NEO1: variants seen among roughly 807,000 people sequenced by gnomAD.
NEO1 encodes the protein neogenin.
A neutral mutation model predicts 159.7 loss-of-function variants in NEO1; 63 were observed. The ratio of observed to expected loss-of-function variants is 0.39; its 90% CI spans 0.32 to 0.49. The LOEUF (loss-of-function observed/expected upper bound fraction) is 0.49. NEO1 is among the 20% of genes least tolerant of loss of function. The probability of loss-of-function intolerance (pLI) is 0.85; values close to 1 mark genes in which losing one functional copy is unlikely to be tolerated. For missense variants in NEO1, 1,615 were observed against 1,831.0 expected, an observed-to-expected ratio of 0.88 and a Z score of 2.15; for synonymous variants, 633 against 662.0, an observed-to-expected ratio of 0.96 and a Z score of 0.67.
chr15:73,254,309 C>A (rs1288128246), intron 12 of NEO1, among the ~76,000 whole-genome samples: 1 of 152,006 alleles, frequency 6.6e-6, no homozygotes, highest in East Asian at 1.9e-4. Flanking sequence ...AGCTCTTCTG[C>A]ACTGGACACG....
At chr15:73,121,097 C>T (rs2071619779) in intron 2 of NEO1, among the ~76,000 whole-genome samples, 1 of 152,040 alleles carries the variant, frequency 6.6e-6, no homozygotes, top group African/African-American at 2.4e-5. Context: ...CCTAGATAAC[C>T]ACAGATGTCC....
At chr15:73,290,588 A>G (rs952991565) in intron 25 of NEO1, among the ~76,000 whole-genome samples, 13 of 152,172 alleles carry the variant, frequency 8.5e-5, no homozygotes, top group Non-Finnish European at 1.8e-4. Context: ...TCACTTTGAT[A>G]AGCATAAAGG....
intron 26 of NEO1, among the ~76,000 whole-genome samples, chr15:73,294,832 G>A (rs927296541): frequency 1.3e-5 from 2 of 151,962 alleles, no homozygotes; most frequent in African/African-American, 4.8e-5. Flanking sequence ...GAGCTACCGC[G>A]CCCGGTCCCC....
intron 21 of NEO1, among the ~76,000 whole-genome samples, chr15:73,274,969 C>G (rs898483621): frequency 6.6e-6 from 1 of 152,056 alleles, no homozygotes; most frequent in South Asian, 2.1e-4. Flanking sequence ...GTAGGAGATT[C>G]GTCTTAAGTG....
chr15:73,249,094 A>C lies in NEO1; in HGVS notation c.1641A>C (p.Ala547=). ...QLPGPAPNLR[A]YAASPTSITV... ...CTGGCCCAGCACCTAACCTTCGTGC[A>C]TATGCAGCTTCGCCTACCTCCATCA... The change falls in exon 10 of 29, where the codon GCA becomes GCC. Residue 547 remains alanine, a synonymous_variant. Transcript: ENST00000261908. 6.2e-7 allele frequency: 1 copy of C among 1,614,122 alleles called. No individual in the cohort carries two copies. The highest frequency in any genetic ancestry group is 1.1e-5 in the South Asian group (1 of 91,080).
At chr15:73,248,351 A>G (rs2039905305) in intron 9 of NEO1, among the ~76,000 whole-genome samples, 1 of 152,182 alleles carries the variant, frequency 6.6e-6, no homozygotes, top group Non-Finnish European at 1.5e-5. Flanking sequence ...GTGAGCTTCA[A>G]TAGCAGGACA....
chr15:73,179,367 G>A (rs141730358), intron 7 of NEO1, among the ~76,000 whole-genome samples: 4 of 152,282 alleles, frequency 2.6e-5, no homozygotes, highest in Non-Finnish European at 1.5e-5. Context: ...TGGTTTACTG[G>A]ATGGCAGAGA....
chr15:73,059,513 T>G (rs1410121805), intron 1 of NEO1, among the ~76,000 whole-genome samples: 1 of 152,210 alleles, frequency 6.6e-6, no homozygotes, highest in Non-Finnish European at 1.5e-5. Context: ...GGGCTAATTA[T>G]GCACAAAACT....
At position 73,152,144 on chromosome 15, in the gene NEO1, G is replaced by C. The variant is rs2151839974; in HGVS notation, c.1015+16117G>C. ...TATTGGTTTTCATCCCCAGTTCCTGGCGCATATCTCCCATAGCCTTTGTTA... is the reference window on the plus strand; with the variant it reads ...TATTGGTTTTCATCCCCAGTTCCTGCCGCATATCTCCCATAGCCTTTGTTA... On this transcript the variant is annotated intron_variant, in intron 5 of 28. Coordinates refer to ENST00000261908, the MANE Select transcript of NEO1 (RefSeq NM_002499.4). 1.3e-5 allele frequency among the ~76,000 whole-genome samples: 2 copies of C among 152,236 alleles called. 1 individual carries two copies. The highest frequency in any genetic ancestry group is 4.1e-4 in the South Asian group (2 of 4,820).
rs544994198 is a variant in NEO1 at position 73,217,779 on chromosome 15, A to G, written c.1292-18568A>G. 3.2e-4 allele frequency among the ~76,000 whole-genome samples: 48 copies of G among 152,302 alleles called. 1 individual carries two copies. Among genetic ancestry groups the G allele is most frequent in the African/African-American group, 1.1e-3 (47 of 41,558 alleles). ...TGTGATTTTTGTACATTGATTTTGT[A>G]TCCTGAGACTTTGCTGAAGTTGCTT... On this transcript the variant is annotated intron_variant, in intron 7 of 28. Coordinates refer to ENST00000261908, the MANE Select transcript of NEO1 (RefSeq NM_002499.4).
chr15:73,111,878 G>A (rs1007748660), intron 1 of NEO1, among the ~76,000 whole-genome samples: 12 of 151,992 alleles, frequency 7.9e-5, no homozygotes, highest in Admixed American at 5.2e-4. Context: ...CAAGCAATCC[G>A]CCTGCCTTGG....
At chr15:73,060,967 C>T (rs1286476569) in intron 1 of NEO1, among the ~76,000 whole-genome samples, 1 of 152,152 alleles carries the variant, frequency 6.6e-6, no homozygotes, top group Non-Finnish European at 1.5e-5. Context: ...ATTAATCGTA[C>T]CTCACCTACA....
At chr15:73,058,908 A>G (rs567925735) in intron 1 of NEO1, among the ~76,000 whole-genome samples, 2 of 152,338 alleles carry the variant, frequency 1.3e-5, no homozygotes, top group African/African-American at 4.8e-5. Flanking sequence ...TCTGGTTTTC[A>G]GATGCAAAAG....
chr15:73,060,626 A>G (rs1177072385), intron 1 of NEO1, among the ~76,000 whole-genome samples: 1 of 151,768 alleles, frequency 6.6e-6, no homozygotes, highest in Non-Finnish European at 1.5e-5. Context: ...GTGTGCAGAA[A>G]TTCTTGTGGT....
chr15:73,164,723 A>G (rs984067753), intron 5 of NEO1, among the ~76,000 whole-genome samples: 2 of 152,226 alleles, frequency 1.3e-5, no homozygotes, highest in Non-Finnish European at 2.9e-5. Flanking sequence ...AGATATGTAC[A>G]AGGATGCATA....
chr15:73,120,298 G>T (rs1692571838), intron 2 of NEO1, among the ~76,000 whole-genome samples: 1 of 150,966 alleles, frequency 6.6e-6, no homozygotes, highest in African/African-American at 2.4e-5. Flanking sequence ...CTTAAAAGTA[G>T]ATTTTTGGTC....
chr15:73,100,755 C>T (rs2070360266), intron 1 of NEO1, among the ~76,000 whole-genome samples: 1 of 152,178 alleles, frequency 6.6e-6, no homozygotes, highest in African/African-American at 2.4e-5. Context: ...CCTATTTGAA[C>T]TTCTTTAAAT....
intron 9 of NEO1, among the ~76,000 whole-genome samples, chr15:73,245,188 CAG>C (rs1441839180): frequency 2.0e-5 from 3 of 152,002 alleles, no homozygotes; most frequent in Non-Finnish European, 2.9e-5. Context: ...GTAGCAAAGA[CAG>C]AGCCTTTGTC....
intron 5 of NEO1, among the ~76,000 whole-genome samples, chr15:73,158,233 T>TTTA (rs1176013258): frequency 2.3e-5 from 3 of 131,780 alleles, no homozygotes; most frequent in Non-Finnish European, 5.1e-5. Context: ...TTTTTTTTTT[T>TTTA]ACAATTTTTT....
Sources: gnomAD v4.1 joint callset for allele counts (sites outside exome capture counted in the v4.1 genomes callset) on GRCh38, gnomAD v4.1.1 for gene constraint, MANE v1.5 for transcripts, NCBI Gene and HGNC (gene_info 2026-07-23, HGNC 2026-07-21) for gene names.